The following TRIM63 variants were observed in gnomAD, a reference collection of about 807,000 sequenced individuals.
TRIM63 encodes E3 ubiquitin-protein ligase TRIM63.
TRIM63 carries 48 observed loss-of-function variants against 46.0 expected under a neutral mutation model. The observed-to-expected ratio is 1.04, with a 90% CI of 0.83 to 1.33. TRIM63 has a LOEUF of 1.33. Among genes scored for constraint, TRIM63 ranks in the 40% most tolerant of loss-of-function variants. TRIM63 has a pLI of 0.00. For synonymous variants in TRIM63, 175 were observed against 162.8 expected (o/e 1.08, Z -0.57); for missense variants, 455 against 441.2 (o/e 1.03, Z -0.28).
intron 4 of TRIM63, 93 bp from the exon 5 acceptor site, chr1:26,058,716 C>G: frequency 2.0e-6 from 2 of 1,001,816 alleles, no homozygotes; most frequent in Non-Finnish European, 3.1e-6. Context: ...GAATCTAAAG[C>G]TAGAAGAGAT....
chr1:26,057,005 C>T (rs1304396833), intron 7 of TRIM63, among the ~76,000 whole-genome samples, 198 bp downstream of exon 7: 5 of 152,094 alleles, frequency 3.3e-5, no homozygotes, highest in South Asian at 2.1e-4. Flanking sequence ...TCAAGTGATC[C>T]GCCCACCTTG....
chr1:26,052,129 C>A (rs1291587400), intron 8 of TRIM63, among the ~76,000 whole-genome samples: 1 of 152,212 alleles, frequency 6.6e-6, no homozygotes, highest in Non-Finnish European at 1.5e-5. Flanking sequence ...AGTTTCAGTA[C>A]CTGTGGTTTG....
intron 8 of TRIM63, among the ~76,000 whole-genome samples, chr1:26,052,957 T>C (rs527519302): frequency 3.3e-5 from 5 of 152,338 alleles, no homozygotes; most frequent in Non-Finnish European, 7.3e-5. Flanking sequence ...TTTTTTCTTT[T>C]AAGAGACAGT....
In TRIM63 at chr1:26,053,873, G is replaced by T; in HGVS notation, c.1051+20C>A. ...GAATGAATGAAGGAACGAAGGAATG[G>T]AGGTAGATGAATTTCTTACCTTCTT... On this transcript the variant is annotated intron_variant, in intron 8 of 8. Coordinates refer to ENST00000374272, the MANE Select transcript of TRIM63 (RefSeq NM_032588.4). The T allele has an allele frequency of 6.4e-7, 1 of 1,555,306 alleles. No individual in the cohort carries two copies. Among genetic ancestry groups the T allele is most frequent in the Non-Finnish European group, 8.8e-7 (1 of 1,134,648 alleles).
intron 7 of TRIM63, among the ~76,000 whole-genome samples, chr1:26,055,256 T>C (rs1322424053): frequency 2.0e-5 from 3 of 152,238 alleles, no homozygotes; most frequent in African/African-American, 7.2e-5. Flanking sequence ...TTACCCTCTC[T>C]GAGCTTTAAG....
chr1:26,066,294 G>C lies in TRIM63; in HGVS notation c.306C>G (p.Ile102Met). 1 of 1,614,086 alleles carries C rather than the reference G, an allele frequency of 6.2e-7. No homozygotes were observed. Residue 102 changes from isoleucine to methionine, a missense_variant, in exon 2 of 9, where the codon ATC becomes ATG. Physicochemically the swap from Ile to Met is conservative, Grantham distance 10. Coordinates refer to ENST00000374272, the MANE Select transcript of TRIM63 (RefSeq NM_032588.4). Reference protein sequence around the residue: ...LQRNLLVENIIDIYKQECSSR... With the variant: ...LQRNLLVENIMDIYKQECSSR... ...TGGAGCACTCCTGTTTGTAGATGTCGATGATGTTCTCCACCAGCAGGTTCC... is the reference window on the plus strand; with the variant it reads ...TGGAGCACTCCTGTTTGTAGATGTCCATGATGTTCTCCACCAGCAGGTTCC...
At chr1:26,066,474 C>G (rs762611639) in intron 1 of TRIM63, 34 bp from the exon 2 acceptor site, 1 of 1,522,958 alleles carries the variant, frequency 6.6e-7, no homozygotes, top group Admixed American at 2.0e-5. Flanking sequence ...GAGGCCTGGG[C>G]TCCCTACTTA....
Position 26,065,035 on chromosome 1 carries a change from G to T in TRIM63, c.332+1233C>A, listed in dbSNP as rs140984371. 9.3e-3 allele frequency among the ~76,000 whole-genome samples: 1,414 copies of T among 152,192 alleles called. 14 individuals are homozygous for T. Among genetic ancestry groups the T allele is most frequent in the Middle Eastern group, 0.014 (4 of 294 alleles). On this transcript the variant is annotated intron_variant, in intron 2 of 8. Coordinates refer to ENST00000374272, the MANE Select transcript of TRIM63 (RefSeq NM_032588.4). The stretch of plus-strand genomic sequence containing the variant: ...TGTTGTGTTGTGTGTGTGTGTGTGT[G>T]TGTGTTTAGATGGAGTCTCACTCTG...
chr1:26,066,432 A>G lies in TRIM63; in HGVS notation c.168T>C (p.Asn56=), dbSNP rs775286350. 34 of 1,580,866 alleles carry G rather than the reference A, an allele frequency of 2.2e-5. No homozygotes were observed. In the African/African-American group the frequency reaches 4.4e-4, roughly 21 times the overall value. ...AGCTGCCCCGGCTGGTCCAGTAGGGATTTGCAGCCTGCAGGTGGCAAAGGT... is the reference window on the plus strand; with the variant it reads ...AGCTGCCCCGGCTGGTCCAGTAGGGGTTTGCAGCCTGCAGGTGGCAAAGGT... ...KCANDIFQAA[N]PYWTSRGSSV... The change falls in exon 2 of 9, where the codon AAT becomes AAC. Residue 56 remains asparagine, a synonymous_variant. Transcript: ENST00000374272.
Position 26,057,377 on chromosome 1 carries a change from G to A in TRIM63, c.855-50C>T, listed in dbSNP as rs776975441. On this transcript the variant is annotated intron_variant, in intron 6 of 8. Coordinates refer to ENST00000374272, the MANE Select transcript of TRIM63 (RefSeq NM_032588.4). ...CAGGATGAGGTCTCTGGGGCTCAGT[G>A]CAGGGAAGAGAGGGCACATGCTTTG... 7 of 1,602,906 alleles carry A rather than the reference G, an allele frequency of 4.4e-6. No homozygotes were observed. In the South Asian group the frequency reaches 4.5e-5, roughly 10 times the overall value.
rs569731001 is a variant in TRIM63, at chr1:26,063,518, G to A, written c.333-2184C>T. On this transcript the variant is annotated intron_variant, in intron 2 of 8. Transcript: ENST00000374272. ...TGGCAGGGGTCTGCCATTGCCACCT[G>A]CCTCCATCCCCTGATAAAGGGATGG... Among the ~76,000 whole-genome samples the A allele has an allele frequency of 3.0e-4, 46 of 152,270 alleles. No homozygotes were observed. The South Asian group carries it at 8.9e-3, about 30-fold the overall frequency.
intron 8 of TRIM63, among the ~76,000 whole-genome samples, chr1:26,052,680 T>C (rs2050533177): frequency 6.6e-6 from 1 of 152,054 alleles, no homozygotes; most frequent in South Asian, 2.1e-4. Context: ...TTGGCCAGGA[T>C]GGTGTCAAAC....
rs77965623 is a variant in TRIM63, at chr1:26,051,871, C to T, written c.*2G>A. Reference sequence around the variant, plus strand: ...CTGGGGGCCTCTCATTCATCCAGCTCCTTACTGGTGTCCTGAAATGAAGAA... The same window carrying T: ...CTGGGGGCCTCTCATTCATCCAGCTTCTTACTGGTGTCCTGAAATGAAGAA... On this transcript the variant is annotated 3_prime_UTR_variant, in exon 9 of 9. Transcript: ENST00000374272. 9.1e-3 allele frequency: 12,030 copies of T among 1,323,856 alleles called. 68 individuals are homozygous for T. Among genetic ancestry groups the T allele is most frequent in the Non-Finnish European group, 0.011 (11,249 of 1,029,348 alleles). The allele number at this position is 1,323,856 out of a possible 1,614,324, so 82.0% of individuals were successfully genotyped here.
chr1:26,067,325 C>T lies in TRIM63; in HGVS notation c.159+11G>A. ...CTGGGGACCCCAAATGAAGCTGCAC[C>T]CGGCACTTACCTGGAAGATGTCATT... On this transcript the variant is annotated intron_variant, in intron 1 of 8. Coordinates refer to ENST00000374272, the MANE Select transcript of TRIM63 (RefSeq NM_032588.4). 6.2e-7 allele frequency: 1 copy of T among 1,613,224 alleles called. No individual in the cohort carries two copies. The highest frequency in any genetic ancestry group is 2.2e-5 in the East Asian group (1 of 44,862).
intron 5 of TRIM63, among the ~76,000 whole-genome samples, chr1:26,058,185 AC>A (rs1407283432): frequency 6.6e-6 from 1 of 152,178 alleles, no homozygotes; most frequent in Non-Finnish European, 1.5e-5. Flanking sequence ...CATTTCATAA[AC>A]ATCCTCTTAT....
In TRIM63 at chr1:26,067,246, C is replaced by A. The variant is rs2050686641; in HGVS notation, c.159+90G>T. On this transcript the variant is annotated intron_variant, in intron 1 of 8. Transcript: ENST00000374272. ...CACTTCCAAGGGGAAAGAGGCTGTC[C>A]AGGTTGGAAGTCTAAGGGAGAAGGG... 25 of 1,488,842 alleles carry A rather than the reference C, an allele frequency of 1.7e-5. 1 individual carries two copies. In the South Asian group the frequency reaches 3.1e-4, roughly 18 times the overall value. The allele number at this position is 1,488,842 out of a possible 1,614,324, so 92.2% of individuals were successfully genotyped here. A position where few individuals can be genotyped will look rare whatever the true frequency, so the allele number is the denominator to read the frequency against.
intron 2 of TRIM63, among the ~76,000 whole-genome samples, chr1:26,065,361 G>A (rs1051175766): frequency 6.6e-6 from 1 of 151,936 alleles, no homozygotes; most frequent in African/African-American, 2.4e-5. Context: ...TGGTCTCACT[G>A]TCACCCAGGC....
chr1:26,057,433 C>T, intron 6 of TRIM63, 106 bp from the exon 7 acceptor site: 1 of 1,473,314 alleles, frequency 6.8e-7, no homozygotes, highest in Non-Finnish European at 9.2e-7. Context: ...CAGAGGCTCC[C>T]CTGGAGGGAT....
chr1:26,063,406 C>T (rs1207655815), intron 2 of TRIM63, among the ~76,000 whole-genome samples: 1 of 152,344 alleles, frequency 6.6e-6, no homozygotes, highest in Admixed American at 6.5e-5. Context: ...ACTGATCACA[C>T]CCTGGGCTCT....
Sources: allele counts gnomAD v4.1 joint callset (sites outside exome capture counted in the v4.1 genomes callset), GRCh38; gene constraint gnomAD v4.1.1; transcripts MANE v1.5; gene names NCBI Gene and HGNC (gene_info 2026-07-23, HGNC 2026-07-21).